COL4A2: variants seen among roughly 807,000 people sequenced by gnomAD.
COL4A2 encodes the protein collagen type IV alpha 2 chain, also known as collagen alpha-2(IV) chain.
Under a neutral mutation model 200.2 loss-of-function variants are expected in COL4A2, and 99 were observed. That is an observed-to-expected ratio of 0.49 (90% confidence interval 0.42 to 0.58). The LOEUF (loss-of-function observed/expected upper bound fraction) is 0.58, where lower values mean the gene tolerates loss of function less well. COL4A2 is among the 20% of genes least tolerant of loss of function. COL4A2 has a pLI of 0.00. For synonymous variants in COL4A2, 897 were observed against 900.6 expected (o/e 1.00, Z 0.07); for missense variants, 1,950 against 2,314.1 (o/e 0.84, Z 3.23).
intron 34 of COL4A2, among the ~76,000 whole-genome samples, chr13:110,488,193 T>G (rs1230901409): frequency 6.6e-6 from 1 of 152,022 alleles, no homozygotes; most frequent in African/African-American, 2.4e-5. Context: ...GCCCAGCTAA[T>G]TTTGTATTTT....
At chr13:110,403,875 A>C (rs1045409957) in intron 4 of COL4A2, among the ~76,000 whole-genome samples, 1 of 152,248 alleles carries the variant, frequency 6.6e-6, no homozygotes, top group South Asian at 2.1e-4. Flanking sequence ...GTTATTGCTC[A>C]TAGTTCTGCA....
chr13:110,315,900 T>C (rs1324329513), intron 3 of COL4A2, among the ~76,000 whole-genome samples: 1 of 152,176 alleles, frequency 6.6e-6, no homozygotes, highest in Non-Finnish European at 1.5e-5. Flanking sequence ...AGCAGATCCT[T>C]TGGATGAGGA....
At chr13:110,370,581 G>A (rs1377928154) in intron 4 of COL4A2, among the ~76,000 whole-genome samples, 1 of 152,120 alleles carries the variant, frequency 6.6e-6, no homozygotes, top group Non-Finnish European at 1.5e-5. Flanking sequence ...TTGTTGTGTT[G>A]TTGTTGTTTT....
intron 3 of COL4A2, among the ~76,000 whole-genome samples, chr13:110,333,574 C>T (rs547154460): frequency 6.6e-6 from 1 of 152,260 alleles, no homozygotes; most frequent in East Asian, 1.9e-4. Flanking sequence ...TCTAACTTAC[C>T]TAAGATGGGT....
chr13:110,454,617 TCTC>T, intron 20 of COL4A2, among the ~76,000 whole-genome samples: 1 of 152,004 alleles, frequency 6.6e-6, no homozygotes, highest in South Asian at 2.1e-4. Flanking sequence ...TGCGGCCGCC[TCTC>T]CTCCTGAGAC....
At chr13:110,438,802 A>ACCC (rs1197981980) in intron 15 of COL4A2, 134 bp downstream of exon 15, 400 of 596,304 alleles carry the variant, frequency 6.7e-4, no homozygotes, top group South Asian at 5.0e-3. Context: ...ATTACTCCCC[A>ACCC]CCCCCCCCCA....
Position 110,430,702 on chromosome 13 carries a change from T to A in COL4A2, c.648+95T>A, listed in dbSNP as rs373229609. ...CAATGGTTGACTCCAGATGAGAGCT[T>A]TAAGAACAACTATGATGCTTATAGG... On this transcript the variant is annotated intron_variant, in intron 10 of 47. Coordinates refer to ENST00000360467, the MANE Select transcript of COL4A2 (RefSeq NM_001846.4). 9.9e-6 allele frequency: 15 copies of A among 1,513,282 alleles called. No homozygotes were observed. In the African/African-American group the frequency reaches 1.9e-4, roughly 19 times the overall value. The allele number at this position is 1,513,282 out of a possible 1,614,324, so 93.7% of individuals were successfully genotyped here.
intron 4 of COL4A2, among the ~76,000 whole-genome samples, chr13:110,397,253 G>T (rs962623800): frequency 6.6e-6 from 1 of 152,160 alleles, no homozygotes; most frequent in African/African-American, 2.4e-5. Context: ...ACTTCTGCAC[G>T]GAGGTTCTGC....
At chr13:110,384,390 G>A (rs143552762) in intron 4 of COL4A2, among the ~76,000 whole-genome samples, 219 of 152,260 alleles carry the variant, frequency 1.4e-3, no homozygotes, top group African/African-American at 4.7e-3. Flanking sequence ...TCTATGATTC[G>A]GTGTGAAGCA....
Position 110,492,242 on chromosome 13 carries a change from T to C in COL4A2, c.3562+65T>C, listed in dbSNP as rs1014783069. On this transcript the variant is annotated intron_variant, in intron 38 of 47. Coordinates refer to ENST00000360467, the MANE Select transcript of COL4A2 (RefSeq NM_001846.4). The stretch of plus-strand genomic sequence containing the variant: ...TCGTGGGCTGTGCAGGAGGCACCGC[T>C]GAGCAGGCCAGCCTCTCTCAGGGCG... 2.2e-5 allele frequency: 31 copies of C among 1,406,644 alleles called. No homozygotes were observed. The African/African-American group carries it at 4.4e-4, about 20-fold the overall frequency. 87.1% of individuals were successfully genotyped at this position (1,406,644 alleles called of 1,614,324 possible). A position where few individuals can be genotyped will look rare whatever the true frequency, so the allele number is the denominator to read the frequency against.
chr13:110,348,155 G>A (rs771472508), intron 3 of COL4A2, among the ~76,000 whole-genome samples: 1 of 152,224 alleles, frequency 6.6e-6, no homozygotes, highest in Non-Finnish European at 1.5e-5. Context: ...ATGAGGACAG[G>A]CATCGACGCA....
intron 34 of COL4A2, 95 bp downstream of exon 34, chr13:110,485,931 A>C: frequency 6.5e-7 from 1 of 1,543,004 alleles, no homozygotes; most frequent in South Asian, 1.2e-5. Flanking sequence ...CTAGGGTGAG[A>C]GTGTCAGTGG....
chr13:110,472,195 A>G (rs542483507), intron 28 of COL4A2, among the ~76,000 whole-genome samples: 14 of 150,108 alleles, frequency 9.3e-5, no homozygotes, highest in Non-Finnish European at 1.6e-4. Context: ...GGCTCACTGC[A>G]AGCTCCGCCT....
chr13:110,314,720 C>G (rs1332189428), intron 3 of COL4A2, among the ~76,000 whole-genome samples: 1 of 152,132 alleles, frequency 6.6e-6, no homozygotes, highest in Non-Finnish European at 1.5e-5. Flanking sequence ...TGGAGGAGCC[C>G]GGTGCTGCCC....
chr13:110,370,793 T>C (rs908068644), intron 4 of COL4A2, among the ~76,000 whole-genome samples: 1 of 152,214 alleles, frequency 6.6e-6, no homozygotes, highest in Non-Finnish European at 1.5e-5. Context: ...AATTCAGACA[T>C]AGACAGTCCA....
At chr13:110,479,267 A>C (rs1882807619) in intron 30 of COL4A2, among the ~76,000 whole-genome samples, 1 of 152,226 alleles carries the variant, frequency 6.6e-6, no homozygotes, top group Non-Finnish European at 1.5e-5. Context: ...AGAGACACAC[A>C]CATTAAAAGG....
At chr13:110,312,729 A>G (rs2139341211) in intron 3 of COL4A2, among the ~76,000 whole-genome samples, 1 of 152,358 alleles carries the variant, frequency 6.6e-6, no homozygotes, top group Non-Finnish European at 1.5e-5. Flanking sequence ...CAATGTCTGC[A>G]ACCCCCAGCC....
At chr13:110,414,585 C>G (rs1157039976) in intron 4 of COL4A2, among the ~76,000 whole-genome samples, 3 of 152,224 alleles carry the variant, frequency 2.0e-5, no homozygotes, top group Admixed American at 6.5e-5. Context: ...CTGCCGACCC[C>G]CCCGATCTCT....
intron 20 of COL4A2, chr13:110,456,794 G>A (rs776423822): frequency 4.6e-5 from 22 of 479,576 alleles, no homozygotes; most frequent in South Asian, 1.5e-4. Flanking sequence ...GTGGGATGCC[G>A]GGCACCCATG....
Sources: allele counts gnomAD v4.1 joint callset (sites outside exome capture counted in the v4.1 genomes callset), GRCh38; gene constraint gnomAD v4.1.1; transcripts MANE v1.5; gene names NCBI Gene and HGNC (gene_info 2026-07-23, HGNC 2026-07-21).